CTNNA3: variants seen among roughly 807,000 people sequenced by gnomAD.
CTNNA3 encodes the protein catenin alpha-3.
Under a neutral mutation model 95.7 loss-of-function variants are expected in CTNNA3, and 76 were observed. That is an observed-to-expected ratio of 0.79 (90% CI 0.66 to 0.96). The LOEUF (loss-of-function observed/expected upper bound fraction) is 0.96, where lower values mean the gene tolerates loss of function less well. CTNNA3 is among the 40% of genes least tolerant of loss of function. The pLI is 0.00. For missense variants in CTNNA3, 1,191 were observed against 1,089.8 expected (o/e 1.09, Z -1.31); for synonymous variants, 431 against 374.4 (o/e 1.15, Z -1.74).
At chr10:67,118,101 C>G (rs1011218515) in intron 7 of CTNNA3, among the ~76,000 whole-genome samples, 1 of 151,938 alleles carries the variant, frequency 6.6e-6, no homozygotes, top group African/African-American at 2.4e-5. Flanking sequence ...GTGGGCGCAT[C>G]TAAGACATCT....
rs1030910042 is a variant in CTNNA3 at position 67,326,538 on chromosome 10, G to A, written c.580-106668C>T. On this transcript the variant is annotated intron_variant, in intron 5 of 17. Coordinates refer to ENST00000433211, the MANE Select transcript of CTNNA3 (RefSeq NM_013266.4). Reference sequence around the variant, plus strand: ...GTTGAAATTTCTTTTCTTTAAGAATGTTGAATATTGGCCCCCAATTTCCTC... The same window carrying A: ...GTTGAAATTTCTTTTCTTTAAGAATATTGAATATTGGCCCCCAATTTCCTC... 2.0e-4 allele frequency among the ~76,000 whole-genome samples: 30 copies of A among 152,184 alleles called. 1 individual carries two copies. Among genetic ancestry groups the A allele is most frequent in the African/African-American group, 7.2e-4 (30 of 41,436 alleles).
At chr10:67,304,606 C>T (rs949628431) in intron 5 of CTNNA3, among the ~76,000 whole-genome samples, 3 of 151,644 alleles carry the variant, frequency 2.0e-5, no homozygotes, top group Non-Finnish European at 2.9e-5. Flanking sequence ...TTTTTTTCTA[C>T]TAAATAAAAT....
intron 12 of CTNNA3, among the ~76,000 whole-genome samples, chr10:66,291,439 C>A (rs1232030362): frequency 1.3e-5 from 2 of 152,060 alleles, no homozygotes; most frequent in African/African-American, 4.8e-5. Context: ...TACTGCTAGT[C>A]CAGGGATCAT....
intron 1 of CTNNA3, among the ~76,000 whole-genome samples, chr10:67,683,340 G>A (rs533244747): frequency 2.6e-5 from 4 of 152,308 alleles, no homozygotes; most frequent in African/African-American, 7.2e-5. Flanking sequence ...AACATCATGA[G>A]GACAGGGTCT....
At chr10:66,585,563 A>G (rs575427317) in intron 10 of CTNNA3, among the ~76,000 whole-genome samples, 6 of 152,042 alleles carry the variant, frequency 3.9e-5, no homozygotes, top group African/African-American at 1.2e-4. Context: ...CCTTTAAAAT[A>G]TCCATCTCTT....
intron 13 of CTNNA3, among the ~76,000 whole-genome samples, chr10:66,141,007 G>A (rs1235957957): frequency 6.6e-6 from 1 of 151,820 alleles, no homozygotes; most frequent in Non-Finnish European, 1.5e-5. Flanking sequence ...GCCTATAATC[G>A]CAGCACTTTG....
intron 5 of CTNNA3, among the ~76,000 whole-genome samples, chr10:67,235,881 A>G (rs1450215607): frequency 2.8e-5 from 4 of 142,816 alleles, no homozygotes; most frequent in Admixed American, 2.7e-4. Flanking sequence ...AAAAGAAGAC[A>G]TTTATGCAGC....
intron 7 of CTNNA3, among the ~76,000 whole-genome samples, chr10:66,837,855 T>A (rs1044026263): frequency 5.9e-5 from 9 of 152,068 alleles, no homozygotes; most frequent in African/African-American, 1.7e-4. Context: ...CATTGCACAG[T>A]CATCAAGGAC....
intron 7 of CTNNA3, among the ~76,000 whole-genome samples, chr10:67,114,910 G>A (rs1033860976): frequency 2.6e-5 from 4 of 152,080 alleles, no homozygotes; most frequent in African/African-American, 9.7e-5. Flanking sequence ...GCAGCTTTGG[G>A]TCAACCCTGA....
chr10:66,700,217 A>G (rs1847900362), intron 9 of CTNNA3, among the ~76,000 whole-genome samples: 2 of 152,154 alleles, frequency 1.3e-5, no homozygotes, highest in South Asian at 2.1e-4. Flanking sequence ...ATGAAGGACA[A>G]TATCAAGAAG....
chr10:66,194,047 A>C (rs1268447400), intron 13 of CTNNA3, among the ~76,000 whole-genome samples: 1 of 152,188 alleles, frequency 6.6e-6, no homozygotes, highest in Non-Finnish European at 1.5e-5. Context: ...CAGTATGCTT[A>C]TGGAACAGCC....
chr10:66,328,945 T>C (rs1444053641), intron 12 of CTNNA3, among the ~76,000 whole-genome samples: 13 of 125,336 alleles, frequency 1.0e-4, no homozygotes, highest in African/African-American at 2.9e-4. Flanking sequence ...CACACACACA[T>C]ATAAATATAA....
At chr10:66,726,475 G>A (rs1848785224) in intron 9 of CTNNA3, among the ~76,000 whole-genome samples, 2 of 152,178 alleles carry the variant, frequency 1.3e-5, no homozygotes, top group South Asian at 2.1e-4. Context: ...GTAATCTCAT[G>A]TTACAGTTGG....
intron 11 of CTNNA3, among the ~76,000 whole-genome samples, chr10:66,404,580 A>C (rs2093043289): frequency 6.6e-6 from 1 of 152,232 alleles, no homozygotes; most frequent in East Asian, 1.9e-4. Flanking sequence ...AAATTAAATA[A>C]TAAGTATAAA....
At chr10:67,254,424 T>A (rs762601232) in intron 5 of CTNNA3, among the ~76,000 whole-genome samples, 1 of 152,284 alleles carries the variant, frequency 6.6e-6, no homozygotes, top group East Asian at 1.9e-4. Context: ...ATTATCACCA[T>A]TCTTATTGAC....
chr10:66,048,687 G>T (rs762871613), intron 15 of CTNNA3, among the ~76,000 whole-genome samples: 9 of 152,234 alleles, frequency 5.9e-5, no homozygotes, highest in Admixed American at 3.3e-4. Flanking sequence ...CATGAACCTG[G>T]GAGGCAGAGC....
intron 7 of CTNNA3, among the ~76,000 whole-genome samples, chr10:67,158,013 G>A (rs969154114): frequency 1.3e-5 from 2 of 152,014 alleles, no homozygotes; most frequent in African/African-American, 4.8e-5. Flanking sequence ...AATTTCCAAG[G>A]TTGCAGACTG....
intron 7 of CTNNA3, among the ~76,000 whole-genome samples, chr10:66,809,838 C>G (rs1841804783): frequency 6.6e-6 from 1 of 151,290 alleles, no homozygotes; most frequent in African/African-American, 2.4e-5. Context: ...AAGTCTCGCC[C>G]TTGTCCTCCA....
chr10:66,656,830 TTTTTTG>T (rs955955446), intron 9 of CTNNA3, among the ~76,000 whole-genome samples: 5 of 151,946 alleles, frequency 3.3e-5, no homozygotes, highest in Non-Finnish European at 4.4e-5. Context: ...TTTGTTGTTG[TTTTTTG>T]TTTTTGTTTT....
Sources: gnomAD v4.1 joint callset for allele counts (sites outside exome capture counted in the v4.1 genomes callset) on GRCh38, gnomAD v4.1.1 for gene constraint, MANE v1.5 for transcripts, NCBI Gene and HGNC (gene_info 2026-07-23, HGNC 2026-07-21) for gene names.